Variants in CELF2 observed in about 807,000 individuals in gnomAD.
The protein encoded by CELF2 is CUG triplet repeat RNA-binding protein 2.
CELF2 carries 8 observed loss-of-function variants against 62.6 expected under a neutral mutation model. The ratio of observed to expected loss-of-function variants is 0.13; its 90% CI spans 0.07 to 0.23. The LOEUF (loss-of-function observed/expected upper bound fraction) is 0.23, where lower values mean the gene tolerates loss of function less well. Ranked by LOEUF, CELF2 falls within the 10% of genes least tolerant of loss-of-function variation. The pLI is 1.00. For synonymous variants in CELF2, 258 were observed against 250.0 expected (o/e 1.03, Z -0.30); for missense variants, 333 against 671.0 (o/e 0.50, Z 5.56).
At position 10,936,708 on chromosome 10, in the gene CELF2, G is replaced by T. The variant is rs1464640747; in HGVS notation, c.89+16709G>T. ...TTCTAGCGTTTTCCACCATAACCTT[G>T]TTCTGGTGCTGAAACAAGCAAAAGC... On this transcript the variant is annotated intron_variant, in intron 2 of 13. Coordinates refer to the CELF2 transcript ENST00000636488. The surrounding 1 kb of genome is among the most constrained non-coding windows in gnomAD (Gnocchi z 4.0). The T allele has an allele frequency of 6.6e-6, 1 of 152,208 alleles. No homozygotes were observed. Among genetic ancestry groups the T allele is most frequent in the East Asian group, 1.9e-4 (1 of 5,202 alleles). The allele number at this position is 152,208 out of a possible 1,614,324, so 9.4% of individuals were successfully genotyped here.
chr10:11,263,948 C>T (rs991958013), intron 5 of CELF2, among the ~76,000 whole-genome samples: 1 of 152,208 alleles, frequency 6.6e-6, no homozygotes, highest in African/African-American at 2.4e-5. Context: ...AACATGCACT[C>T]CCACTTTATA....
chr10:11,072,364 A>G (rs980231740), intron 1 of CELF2, among the ~76,000 whole-genome samples: 1 of 152,152 alleles, frequency 6.6e-6, no homozygotes, highest in Non-Finnish European at 1.5e-5. Flanking sequence ...GTGAGACTCA[A>G]GTCTTTGATG....
At chr10:10,918,572 G>A (rs1014386043) in intron 1 of CELF2, among the ~76,000 whole-genome samples, 4 of 152,194 alleles carry the variant, frequency 2.6e-5, no homozygotes, top group Non-Finnish European at 5.9e-5. Context: ...TAGGAAGAGG[G>A]AGTTCTAATA....
At chr10:11,025,239 G>GTGTGTGTGTATATA (rs61580670) in intron 1 of CELF2, among the ~76,000 whole-genome samples, 1 of 140,998 alleles carries the variant, frequency 7.1e-6, no homozygotes. Flanking sequence ...GTGTGTGTGT[G>GTGTGTGTGTATATA]TATATGTATG....
intron 2 of CELF2, among the ~76,000 whole-genome samples, chr10:10,959,842 G>A (rs2049292214): frequency 6.6e-6 from 1 of 152,232 alleles, no homozygotes; most frequent in Admixed American, 6.5e-5. Context: ...TCTTCTGGAT[G>A]AGAAAGCATG....
At chr10:10,586,244 T>G in the CELF2 span, among the ~76,000 whole-genome samples, 2 of 152,218 alleles carry the variant, frequency 1.3e-5, no homozygotes, top group Non-Finnish European at 2.9e-5. Context: ...TAGGTTTCTA[T>G]TCTCAAAATC....
intron 2 of CELF2, chr10:11,171,434 G>A (rs967655636): frequency 6.6e-5 from 10 of 152,566 alleles, no homozygotes; most frequent in African/African-American, 2.2e-4. Flanking sequence ...TCAGGAAGTC[G>A]TTAGTAAAAT....
intron 2 of CELF2, among the ~76,000 whole-genome samples, chr10:10,953,132 C>T (rs1284528038): frequency 6.6e-6 from 1 of 152,198 alleles, no homozygotes; most frequent in African/African-American, 2.4e-5. Context: ...TAACAAGACA[C>T]AAAATCTTTA....
chr10:10,798,815 A>C (rs2054336028), exon 1 of CELF2: 5 of 398,694 alleles, frequency 1.3e-5, no homozygotes, highest in Non-Finnish European at 2.2e-5. Flanking sequence ...GGAAAGTTTT[A>C]AGGTAGGCCT....
chr10:10,998,463 A>T (rs1208170281), intron 2 of CELF2, among the ~76,000 whole-genome samples: 2 of 152,220 alleles, frequency 1.3e-5, no homozygotes, highest in Non-Finnish European at 2.9e-5. Context: ...CTACCACTGC[A>T]ATGTAAAATA....
intron 1 of CELF2, among the ~76,000 whole-genome samples, chr10:10,845,273 G>C (rs2058938198): frequency 6.7e-6 from 1 of 150,188 alleles, no homozygotes; most frequent in Non-Finnish European, 1.5e-5. Flanking sequence ...TTCTTAAAGG[G>C]AGAAAGAAAG....
intron 1 of CELF2, among the ~76,000 whole-genome samples, chr10:11,088,564 C>CGGTGTGCATACGCCTGCTCACCT (rs55706560): frequency 6.6e-6 from 1 of 151,860 alleles, no homozygotes; most frequent in Non-Finnish European, 1.5e-5. Context: ...CTAGCAGAGC[C>CGGTGTGCATACGCCTGCTCACCT]GGATTTCTCA....
At chr10:11,184,259 G>A (rs1052898879) in intron 2 of CELF2, among the ~76,000 whole-genome samples, 3 of 152,126 alleles carry the variant, frequency 2.0e-5, no homozygotes, top group Non-Finnish European at 4.4e-5. Context: ...GATCTTATTT[G>A]TCTGTCTTTG....
upstream of CELF2, among the ~76,000 whole-genome samples, chr10:11,016,745 TAGAA>T (rs536839981): frequency 2.9e-4 from 44 of 152,366 alleles, no homozygotes; most frequent in African/African-American, 9.9e-4. This position sits in a 1 kb window ranked among gnomAD's most constrained non-coding sequence, Gnocchi z 5.2. Context: ...TTCTGATTTT[TAGAA>T]AGACAAAGAC....
At chr10:11,226,490 T>C (rs2066585057) in intron 3 of CELF2, among the ~76,000 whole-genome samples, 1 of 152,194 alleles carries the variant, frequency 6.6e-6, no homozygotes, top group South Asian at 2.1e-4. Context: ...CTGCAGCTCG[T>C]CATAGATGTG....
At chr10:10,515,716 A>G in the CELF2 span, among the ~76,000 whole-genome samples, 1 of 152,250 alleles carries the variant, frequency 6.6e-6, no homozygotes, top group South Asian at 2.1e-4. Flanking sequence ...ATCAGGAGTC[A>G]GAAATAAGAG....
chr10:11,123,267 T>G (rs2058100306), intron 1 of CELF2, among the ~76,000 whole-genome samples: 1 of 152,128 alleles, frequency 6.6e-6, no homozygotes, highest in African/African-American at 2.4e-5. Flanking sequence ...AATTTTTTTT[T>G]AGAGACAGAA....
At chr10:11,044,778 G>A (rs180681290) in intron 1 of CELF2, among the ~76,000 whole-genome samples, 1 of 152,170 alleles carries the variant, frequency 6.6e-6, no homozygotes, top group Non-Finnish European at 1.5e-5. Flanking sequence ...TATACATAGA[G>A]CTCTTGTAGT....
At chr10:10,791,043 T>C in the CELF2 span, among the ~76,000 whole-genome samples, 1 of 152,200 alleles carries the variant, frequency 6.6e-6, no homozygotes, top group African/African-American at 2.4e-5. Flanking sequence ...AGTGGGCTAG[T>C]TTTTGTAAGT....
Sources: gnomAD v4.1 joint callset for allele counts (sites outside exome capture counted in the v4.1 genomes callset) on GRCh38, gnomAD v4.1.1 for gene constraint, Gnocchi (gnomAD v3.1) non-coding constraint, MANE v1.5 for transcripts, NCBI Gene and HGNC (gene_info 2026-07-23, HGNC 2026-07-21) for gene names.